FAM114A1: variants seen among roughly 807,000 people sequenced by gnomAD.
FAM114A1 encodes protein NOXP20.
Under a neutral mutation model 64.3 loss-of-function variants are expected in FAM114A1, and 62 were observed. The observed-to-expected ratio is 0.96, with a 90% CI of 0.79 to 1.19. The LOEUF is 1.19. Among genes scored for constraint, FAM114A1 ranks in the 50% most tolerant of loss-of-function variants. FAM114A1 has a pLI of 0.00. For synonymous variants in FAM114A1, 254 were observed against 251.1 expected (o/e 1.01, Z -0.11); for missense variants, 645 against 676.3 (o/e 0.95, Z 0.51).
chr4:38,939,009 A>G (rs6531684), intron 13 of FAM114A1, among the ~76,000 whole-genome samples: 52,348 of 152,050 alleles, frequency 0.34, 11,068 homozygotes, highest in African/African-American at 0.59. Context: ...ACATGGATCA[A>G]TTGGAGATGT....
chr4:38,915,035 G>T lies in FAM114A1; in HGVS notation c.907G>T (p.Glu303Ter). The part of the protein sequence containing the change: ...FDEYQGLSHL[E>*]ALEILSNESE... Reference sequence around the variant, plus strand: ...TGAATATCAAGGCTTGTCACACCTGGAAGCCCTGGAAATTCTGTCCAATGA... The same window carrying T: ...TGAATATCAAGGCTTGTCACACCTGTAAGCCCTGGAAATTCTGTCCAATGA... The change falls in exon 8 of 15, where the codon GAA becomes TAA. Residue 303 changes from glutamate (E) to a stop codon, truncating the protein, a stop_gained. Coordinates refer to ENST00000358869, the MANE Select transcript of FAM114A1 (RefSeq NM_138389.4). LOFTEE classifies it high-confidence loss of function. 1 of 1,614,150 alleles carries T rather than the reference G, an allele frequency of 6.2e-7. No homozygotes were observed.
intron 2 of FAM114A1, among the ~76,000 whole-genome samples, chr4:38,870,946 A>C (rs899518091): frequency 1.7e-4 from 26 of 152,230 alleles, no homozygotes; most frequent in African/African-American, 6.3e-4. Flanking sequence ...TACCAGAACA[A>C]CCAAACAAAA....
intron 13 of FAM114A1, 84 bp from the exon 14 acceptor site, chr4:38,940,882 CAA>C (rs1721530859): frequency 1.4e-6 from 2 of 1,395,478 alleles, no homozygotes; most frequent in Non-Finnish European, 2.0e-6. Flanking sequence ...AGAGATCCCT[CAA>C]CAAAGCTAGT....
At chr4:38,918,376 G>A (rs77138406) in intron 8 of FAM114A1, among the ~76,000 whole-genome samples, 9,205 of 152,256 alleles carry the variant, frequency 0.06, 702 homozygotes, top group African/African-American at 0.17. Flanking sequence ...GACTGTGTCC[G>A]TCTTGTGGCT....
chr4:38,899,552 A>G (rs572704595), intron 4 of FAM114A1, among the ~76,000 whole-genome samples: 1 of 152,338 alleles, frequency 6.6e-6, no homozygotes, highest in Admixed American at 6.5e-5. Flanking sequence ...TGAGACTTCA[A>G]CTGTGAACTG....
At chr4:38,912,754 C>T (rs188822919) in intron 7 of FAM114A1, among the ~76,000 whole-genome samples, 1 of 152,280 alleles carries the variant, frequency 6.6e-6, no homozygotes, top group Admixed American at 6.5e-5. Context: ...TTCATCCCTT[C>T]TTTTTTCTCT....
intron 8 of FAM114A1, among the ~76,000 whole-genome samples, chr4:38,918,078 G>A (rs998340863): frequency 5.3e-5 from 8 of 151,732 alleles, no homozygotes; most frequent in Non-Finnish European, 1.5e-5. Flanking sequence ...TACAAAATTA[G>A]CCGGGCATGG....
intron 7 of FAM114A1, among the ~76,000 whole-genome samples, chr4:38,914,392 C>G (rs1405519083): frequency 1.3e-5 from 2 of 152,030 alleles, no homozygotes; most frequent in Non-Finnish European, 2.9e-5. Context: ...TGGTGAAACC[C>G]TGTCTCTACC....
chr4:38,898,110 CA>C (rs1369041035), intron 4 of FAM114A1, among the ~76,000 whole-genome samples: 1 of 151,974 alleles, frequency 6.6e-6, no homozygotes, highest in African/African-American at 2.4e-5. Context: ...TATAAGTATA[CA>C]AAAGGAAGAG....
intron 7 of FAM114A1, among the ~76,000 whole-genome samples, chr4:38,911,580 T>A (rs1038133658): frequency 2.0e-5 from 3 of 152,194 alleles, no homozygotes; most frequent in Non-Finnish European, 2.9e-5. Flanking sequence ...TGGCTGATTC[T>A]GGCTATAATT....
At chr4:38,909,153 G>A (rs1411328522) in intron 7 of FAM114A1, among the ~76,000 whole-genome samples, 1 of 152,172 alleles carries the variant, frequency 6.6e-6, no homozygotes, top group East Asian at 1.9e-4. Context: ...GTCATGGTAT[G>A]CATCCCATCT....
intron 3 of FAM114A1, among the ~76,000 whole-genome samples, chr4:38,885,376 A>T (rs2109579792): frequency 6.6e-6 from 1 of 152,288 alleles, no homozygotes; most frequent in South Asian, 2.1e-4. Context: ...CTTGCATTCA[A>T]GTGATCCTCT....
chr4:38,936,100 T>TG (rs1231421782), intron 13 of FAM114A1, among the ~76,000 whole-genome samples: 25 of 148,778 alleles, frequency 1.7e-4, no homozygotes, highest in South Asian at 8.4e-4. Context: ...TTTTTTTTGT[T>TG]TTTTTTTTTT....
intron 12 of FAM114A1, among the ~76,000 whole-genome samples, chr4:38,935,411 T>C (rs1339595924): frequency 6.6e-6 from 1 of 152,214 alleles, no homozygotes; most frequent in Admixed American, 6.5e-5. Flanking sequence ...GTATAAGCTC[T>C]ACACATGTGG....
At chr4:38,911,232 T>C (rs561236376) in intron 7 of FAM114A1, among the ~76,000 whole-genome samples, 28 of 152,036 alleles carry the variant, frequency 1.8e-4, no homozygotes, top group Non-Finnish European at 3.4e-4. Flanking sequence ...GTGAGAAAAA[T>C]GGGTGAAAGT....
At position 38,878,275 on chromosome 4, in the gene FAM114A1, T is replaced by C. The variant is rs200233551; in HGVS notation, c.197T>C (p.Ile66Thr). 4.3e-6 allele frequency: 7 copies of C among 1,614,078 alleles called. No homozygotes were observed. In the Admixed American group the frequency reaches 6.7e-5, roughly 15 times the overall value. ...GTGCAGGGTGCAGGGGCTGCCGCCA[T>C]TGGGCCCCCTGTGCAGCCTCAGGAT... ...AAVQGAGAAA[I>T]GPPVQPQDAN... Residue 66 changes from isoleucine (I) to threonine (T), a missense_variant, in exon 3 of 15, where the codon ATT becomes ACT. Ile to Thr is a moderately conservative substitution (Grantham distance 89). Transcript: ENST00000358869.
chr4:38,878,072 T>C lies in FAM114A1; in HGVS notation c.-7T>C. 1.3e-6 allele frequency: 2 copies of C among 1,594,084 alleles called. No individual in the cohort carries two copies. Among genetic ancestry groups the C allele is most frequent in the Non-Finnish European group, 1.7e-6 (2 of 1,167,888 alleles). On this transcript the variant is annotated splice_region_variant and 5_prime_UTR_variant, in exon 3 of 15. Coordinates refer to ENST00000358869, the MANE Select transcript of FAM114A1 (RefSeq NM_138389.4). Reference sequence around the variant, plus strand: ...AGGTGTTTATAATTGTGTTGACAGATACTAAAATGTCTGATGATGCTGGTG... The same window carrying C: ...AGGTGTTTATAATTGTGTTGACAGACACTAAAATGTCTGATGATGCTGGTG...
intron 12 of FAM114A1, 41 bp from the exon 13 acceptor site, chr4:38,935,677 T>G (rs371474968): frequency 4.6e-5 from 66 of 1,419,694 alleles, no homozygotes; most frequent in Non-Finnish European, 6.1e-5. Context: ...TTATTTTACC[T>G]TATTGAAAAC....
At chr4:38,921,740 A>C (rs560322846) in intron 8 of FAM114A1, among the ~76,000 whole-genome samples, 351 of 151,994 alleles carry the variant, frequency 2.3e-3, no homozygotes, top group African/African-American at 7.7e-3. Flanking sequence ...CCTCCACTGT[A>C]CCCTCCTCTC....
Sources: allele counts gnomAD v4.1 joint callset (sites outside exome capture counted in the v4.1 genomes callset), GRCh38; gene constraint gnomAD v4.1.1; transcripts MANE v1.5; gene names NCBI Gene and HGNC (gene_info 2026-07-23, HGNC 2026-07-21).